The following FAAH2 variants were observed in gnomAD, a reference collection of about 807,000 sequenced individuals.
FAAH2 encodes fatty-acid amide hydrolase 2.
A neutral mutation model predicts 36.9 loss-of-function variants in FAAH2; 60 were observed. That is an observed-to-expected ratio of 1.63 (90% CI 1.32 to 2.02). FAAH2 has a LOEUF of 2.02. Ranked by LOEUF, FAAH2 falls within the 30% of genes most tolerant of loss-of-function variation. The probability of loss-of-function intolerance (pLI) is 0.00; values close to 1 mark genes in which losing one functional copy is unlikely to be tolerated. For synonymous variants in FAAH2, 214 were observed against 143.8 expected, an observed-to-expected ratio of 1.49 and a Z score of -3.49; for missense variants, 689 against 397.5, an observed-to-expected ratio of 1.73 and a Z score of -6.23.
chrX:57,197,466 C>G, the FAAH2 span, among the ~76,000 whole-genome samples: 1 of 111,184 alleles, frequency 9.0e-6, no homozygotes, highest in Non-Finnish European at 1.9e-5. Flanking sequence ...ATTATCAGAA[C>G]TGTTGTTCTG....
intron 8 of FAAH2, among the ~76,000 whole-genome samples, chrX:57,445,899 C>G (rs1221448467): frequency 8.9e-6 from 1 of 112,107 alleles, no homozygotes; most frequent in Non-Finnish European, 1.9e-5. Context: ...TTTTCCAAGG[C>G]CTGTAGTCCT....
chrX:57,377,960 T>A (rs183880872), intron 5 of FAAH2, among the ~76,000 whole-genome samples: 234 of 112,082 alleles, frequency 2.1e-3, no homozygotes, highest in African/African-American at 7.0e-3. Flanking sequence ...TATATTGGAA[T>A]GCTTGTGATT....
At chrX:57,472,912 GCTT>G (rs2057195783) in intron 10 of FAAH2, among the ~76,000 whole-genome samples, 1 of 110,756 alleles carries the variant, frequency 9.0e-6, no homozygotes, top group Admixed American at 9.7e-5. Context: ...AATCTTCTCT[GCTT>G]CTTTTTTGTT....
At chrX:57,446,811 TTGAC>T (rs2056684498) in intron 8 of FAAH2, 113 bp from the exon 9 acceptor site, 1 of 439,655 alleles carries the variant, frequency 2.3e-6, no homozygotes, top group African/African-American at 2.4e-5. Context: ...TATTCATCAA[TTGAC>T]TGGTATTTTA....
the FAAH2 span, chrX:57,137,475 T>C: frequency 2.7e-6 from 1 of 370,707 alleles, no homozygotes; most frequent in Non-Finnish European, 3.5e-6. Flanking sequence ...TCAGCCACGT[T>C]GGGCTGCCAC....
the FAAH2 span, among the ~76,000 whole-genome samples, chrX:57,152,639 A>G: frequency 8.9e-6 from 1 of 111,842 alleles, no homozygotes; most frequent in African/African-American, 3.2e-5. Context: ...TTAGGGTGGG[A>G]GTGACCTGAT....
the FAAH2 span, among the ~76,000 whole-genome samples, chrX:57,124,357 G>A: frequency 2.1e-4 from 23 of 111,381 alleles, no homozygotes; most frequent in African/African-American, 5.9e-4. Flanking sequence ...TGTTCCATTG[G>A]TCTATATCTC....
the FAAH2 span, among the ~76,000 whole-genome samples, chrX:57,210,291 T>C: frequency 9.0e-6 from 1 of 111,696 alleles, no homozygotes; most frequent in East Asian, 2.8e-4. Context: ...GAATTTTTTC[T>C]AATAGTAAAT....
chrX:57,227,275 G>T, the FAAH2 span, among the ~76,000 whole-genome samples: 6 of 111,171 alleles, frequency 5.4e-5, no homozygotes, highest in East Asian at 1.7e-3. Flanking sequence ...CATTTGGGTA[G>T]ACTCTGTCAG....
the FAAH2 span, among the ~76,000 whole-genome samples, chrX:57,200,668 C>T: frequency 7.2e-5 from 8 of 111,705 alleles, no homozygotes; most frequent in South Asian, 3.7e-4. Flanking sequence ...TGAGCCACTG[C>T]GCCCAGCCTC....
intron 10 of FAAH2, among the ~76,000 whole-genome samples, chrX:57,476,046 A>G (rs1014878811): frequency 9.0e-6 from 1 of 111,654 alleles, no homozygotes; most frequent in African/African-American, 3.3e-5. Flanking sequence ...TCGATTTTGT[A>G]TCCTGAGACT....
At chrX:57,369,435 CT>C (rs2054497584) in intron 5 of FAAH2, among the ~76,000 whole-genome samples, 1 of 111,237 alleles carries the variant, frequency 9.0e-6, no homozygotes, top group Admixed American at 9.6e-5. Context: ...TATAATCACA[CT>C]GTTAAGACCT....
rs1240912829 is a variant in FAAH2, at chrX:57,488,903, G to C, written c.1570G>C (p.Gly524Arg). 8.3e-7 allele frequency: 1 copy of C among 1,210,549 alleles called. No homozygotes were observed. Among genetic ancestry groups the C allele is most frequent in the Admixed American group, 2.2e-5 (1 of 45,821 alleles). The stretch of plus-strand genomic sequence containing the variant: ...GGCCCAGTACTTGGAGAAAACTTTT[G>C]GGGGCTGGGTCTGTCCAGGAAAGTT... ...AVAQYLEKTF[G>R]GWVCPGKF Residue 524 changes from glycine to arginine, a missense_variant, in exon 11 of 11, where the codon GGG (glycine) becomes CGG (arginine). Transcript: ENST00000374900.
At chrX:57,338,804 A>T (rs1389256015) in intron 4 of FAAH2, among the ~76,000 whole-genome samples, 1 of 111,838 alleles carries the variant, frequency 8.9e-6, no homozygotes, top group Non-Finnish European at 1.9e-5. Flanking sequence ...GGATAGGAAG[A>T]ATCATTATCG....
chrX:57,154,705 G>T, the FAAH2 span, among the ~76,000 whole-genome samples: 1 of 111,029 alleles, frequency 9.0e-6, no homozygotes, highest in East Asian at 2.8e-4. Flanking sequence ...TGTATCCATT[G>T]CTGGTGAGCT....
chrX:57,303,764 G>A (rs1023447768), intron 2 of FAAH2, among the ~76,000 whole-genome samples: 6 of 111,566 alleles, frequency 5.4e-5, no homozygotes, highest in East Asian at 2.8e-4. Context: ...ATATTTTGCC[G>A]TGCCTAATTC....
intron 2 of FAAH2, among the ~76,000 whole-genome samples, chrX:57,302,247 G>A (rs892978773): frequency 4.5e-5 from 5 of 111,758 alleles, no homozygotes; most frequent in African/African-American, 1.6e-4. Flanking sequence ...ATGAACTTAG[G>A]CATGTTTTTG....
chrX:57,431,885 T>G (rs764968797), intron 7 of FAAH2, 33 bp from the exon 8 acceptor site: 19 of 1,127,076 alleles, frequency 1.7e-5, no homozygotes, highest in Admixed American at 2.4e-5. Flanking sequence ...CTTCTCATCA[T>G]GTTTGTCTGT....
chrX:57,277,602 G>A, the FAAH2 span, among the ~76,000 whole-genome samples: 1 of 111,639 alleles, frequency 9.0e-6, no homozygotes, highest in African/African-American at 3.3e-5. Flanking sequence ...GAAATAAAGG[G>A]TATTCAATTA....
Sources: allele counts gnomAD v4.1 joint callset (sites outside exome capture counted in the v4.1 genomes callset), GRCh38; gene constraint gnomAD v4.1.1; transcripts MANE v1.5; gene names NCBI Gene and HGNC (gene_info 2026-07-23, HGNC 2026-07-21).